The following MAVS variants were observed in gnomAD, a reference collection of about 807,000 sequenced individuals.
The protein encoded by MAVS is mitochondrial antiviral-signaling protein.
A neutral mutation model predicts 30.2 loss-of-function variants in MAVS; 20 were observed. That is an observed-to-expected ratio of 0.66 (90% CI 0.47 to 0.96). The LOEUF is 0.96. Ranked by LOEUF, MAVS falls within the 40% of genes least tolerant of loss-of-function variation. The pLI is 0.00. For missense variants in MAVS, 624 were observed against 701.1 expected, an observed-to-expected ratio of 0.89 and a Z score of 1.24; for synonymous variants, 278 against 293.9, an observed-to-expected ratio of 0.95 and a Z score of 0.55.
intron 4 of MAVS, 47 bp from the exon 5 acceptor site, chr20:3,862,207 G>A (rs1261576353): frequency 2.1e-5 from 33 of 1,593,664 alleles, no homozygotes; most frequent in Non-Finnish European, 2.7e-5. Flanking sequence ...CCCTTTGTGA[G>A]CTCTTGGGAG....
In MAVS at chr20:3,874,435, A is replaced by G; in HGVS notation, c.*8288A>G. 2.6e-6 allele frequency: 1 copy of G among 389,434 alleles called. No individual in the cohort carries two copies. Among genetic ancestry groups the G allele is most frequent in the Non-Finnish European group, 4.5e-6 (1 of 220,452 alleles). The allele number at this position is 389,434 out of a possible 1,614,324, so 24.1% of individuals were successfully genotyped here. Reference sequence around the variant, plus strand: ...GCCATTTGGTCAAAGTTTGCAAAGGAGTCAGCCATGATTGCTTGTATTTGG... The same window carrying G: ...GCCATTTGGTCAAAGTTTGCAAAGGGGTCAGCCATGATTGCTTGTATTTGG... On this transcript the variant is annotated 3_prime_UTR_variant, in exon 7 of 7. Coordinates refer to ENST00000428216, the MANE Select transcript of MAVS (RefSeq NM_020746.5).
rs944080006 is a variant in MAVS at position 3,861,122 on chromosome 20, A to G, written c.293-210A>G. Among the ~76,000 whole-genome samples the G allele has an allele frequency of 3.9e-5, 6 of 151,916 alleles. No individual in the cohort carries two copies. The South Asian group carries it at 1.2e-3, about 31-fold the overall frequency. On this transcript the variant is annotated intron_variant, in intron 3 of 6. Transcript: ENST00000428216. The stretch of plus-strand genomic sequence containing the variant: ...ATTCTCCTGCCTCAGCCTCCTGAGT[A>G]GCTGGGACTACAGGGGCCCGCCACC...
In MAVS at chr20:3,875,792, C is replaced by T. The variant is rs1044319691; in HGVS notation, c.*9645C>T. On this transcript the variant is annotated 3_prime_UTR_variant, in exon 7 of 7. Coordinates refer to ENST00000428216, the MANE Select transcript of MAVS (RefSeq NM_020746.5). The stretch of plus-strand genomic sequence containing the variant: ...AAGGCAGGCTAGGCTGCACCAGCTT[C>T]CTCCATCTCCGTCCTGCCTCCCCCA... The T allele has an allele frequency of 3.9e-5, 6 of 152,452 alleles. No individual in the cohort carries two copies. Among genetic ancestry groups the T allele is most frequent in the African/African-American group, 9.6e-5 (4 of 41,468 alleles). 9.4% of individuals were successfully genotyped at this position (152,452 alleles called of 1,614,324 possible). A position where few individuals can be genotyped will look rare whatever the true frequency, so the allele number is the denominator to read the frequency against.
rs1213209939 is a variant in MAVS, at chr20:3,875,014, T to A, written c.*8867T>A. 1.3e-5 allele frequency: 2 copies of A among 152,338 alleles called. No homozygotes were observed. Among genetic ancestry groups the A allele is most frequent in the African/African-American group, 4.8e-5 (2 of 41,448 alleles). 9.4% of individuals were successfully genotyped at this position (152,338 alleles called of 1,614,324 possible). A position where few individuals can be genotyped will look rare whatever the true frequency, so the allele number is the denominator to read the frequency against. On this transcript the variant is annotated 3_prime_UTR_variant, in exon 7 of 7. Transcript: ENST00000428216. Reference sequence around the variant, plus strand: ...CATTCTTCGTTCTTTAAGGCCTAACTTAAAGCCCAGATCCTACAGGAAACC... The same window carrying A: ...CATTCTTCGTTCTTTAAGGCCTAACATAAAGCCCAGATCCTACAGGAAACC...
chr20:3,866,824 C>T lies in MAVS; in HGVS notation c.*677C>T, dbSNP rs748168059. On this transcript the variant is annotated 3_prime_UTR_variant, in exon 7 of 7. Coordinates refer to ENST00000428216, the MANE Select transcript of MAVS (RefSeq NM_020746.5). ...GGAGCTCCTCTCCAGCCTCCTCTTT[C>T]CCTCCCCTCTGGTCTCCATTCTCTT... 29 of 450,552 alleles carry T rather than the reference C, an allele frequency of 6.4e-5. 1 individual carries two copies. The highest frequency in any genetic ancestry group is 4.6e-4 in the South Asian group (29 of 63,682). 27.9% of individuals were successfully genotyped at this position (450,552 alleles called of 1,614,324 possible). A position where few individuals can be genotyped will look rare whatever the true frequency, so the allele number is the denominator to read the frequency against.
intron 1 of MAVS, among the ~76,000 whole-genome samples, chr20:3,848,068 A>G (rs1178059830): frequency 6.6e-6 from 1 of 151,714 alleles, no homozygotes; most frequent in Non-Finnish European, 1.5e-5. Context: ...GCCTTCTGGT[A>G]CCTGGCTGAT....
intron 1 of MAVS, among the ~76,000 whole-genome samples, chr20:3,853,490 A>AC (rs1396862713): frequency 1.3e-5 from 2 of 151,558 alleles, no homozygotes; most frequent in Non-Finnish European, 2.9e-5. Context: ...CGTCTCAAAA[A>AC]AAAAAAAAAG....
chr20:3,849,441 G>A (rs1256563286), intron 1 of MAVS, among the ~76,000 whole-genome samples: 1 of 152,168 alleles, frequency 6.6e-6, no homozygotes, highest in African/African-American at 2.4e-5. Context: ...CTGAGCTCAG[G>A]TGATCCACCC....
intron 3 of MAVS, among the ~76,000 whole-genome samples, chr20:3,860,243 T>C (rs1337717616): frequency 6.6e-6 from 1 of 151,408 alleles, no homozygotes; most frequent in African/African-American, 2.4e-5. Flanking sequence ...TTCCTTTTTT[T>C]TTGAGACAGA....
intron 2 of MAVS, among the ~76,000 whole-genome samples, chr20:3,855,773 ATTTTCTTT>A: frequency 6.6e-6 from 1 of 151,840 alleles, no homozygotes. Flanking sequence ...GGTTTTCTTT[ATTTTCTTT>A]AAAAAATTTT....
intron 1 of MAVS, among the ~76,000 whole-genome samples, chr20:3,851,157 G>A (rs1296224463): frequency 6.6e-6 from 1 of 151,612 alleles, no homozygotes; most frequent in African/African-American, 2.4e-5. Flanking sequence ...ATAAAACCCC[G>A]TCTCTACTAA....
chr20:3,847,110 C>G (rs2089715650), intron 1 of MAVS, among the ~76,000 whole-genome samples: 1 of 152,198 alleles, frequency 6.6e-6, no homozygotes, highest in Non-Finnish European at 1.5e-5. Flanking sequence ...CTCCAGGCGC[C>G]GCATCCAGCA....
At chr20:3,859,580 G>A (rs891072640) in intron 3 of MAVS, among the ~76,000 whole-genome samples, 1 of 151,886 alleles carries the variant, frequency 6.6e-6, no homozygotes, top group South Asian at 2.1e-4. Flanking sequence ...AGGGGTGGGG[G>A]CAAAGGGGAG....
chr20:3,848,378 C>T (rs148544282), intron 1 of MAVS, among the ~76,000 whole-genome samples: 1,715 of 152,260 alleles, frequency 0.011, 36 homozygotes, highest in African/African-American at 0.038. Context: ...GGATTCCAGG[C>T]GTGAGCCACC....
At chr20:3,848,998 T>G (rs890302009) in intron 1 of MAVS, among the ~76,000 whole-genome samples, 1 of 152,070 alleles carries the variant, frequency 6.6e-6, no homozygotes, top group South Asian at 2.1e-4. Context: ...GGTCTCCCAG[T>G]TTTCATCCTG....
Position 3,864,525 on chromosome 20 carries a change from C to T in MAVS, c.895C>T (p.Pro299Ser). 1.9e-6 allele frequency: 3 copies of T among 1,614,110 alleles called. No homozygotes were observed. The highest frequency in any genetic ancestry group is 2.5e-6 in the Non-Finnish European group (3 of 1,180,028). Residue 299 changes from proline to serine, a missense_variant, in exon 6 of 7, where the codon CCT (proline) becomes TCT (serine). Physicochemically the swap from Pro to Ser is moderately conservative, Grantham distance 74 (BLOSUM62 -1). Coordinates refer to ENST00000428216, the MANE Select transcript of MAVS (RefSeq NM_020746.5). ...APANSLPSKV[P>S]TTLMPVNTVA... ...TGCCAACTCTCTGCCCTCCAAAGTG[C>T]CTACCACCTTGATGCCTGTGAACAC... is the stretch of plus-strand genomic sequence containing the variant.
chr20:3,856,749 T>G (rs370854555), intron 2 of MAVS, among the ~76,000 whole-genome samples: 1 of 151,986 alleles, frequency 6.6e-6, no homozygotes, highest in Non-Finnish European at 1.5e-5. Context: ...ATAAAAACTC[T>G]AGGGCTGGGC....
chr20:3,848,322 C>T (rs1568530465), intron 1 of MAVS, among the ~76,000 whole-genome samples: 1 of 152,188 alleles, frequency 6.6e-6, no homozygotes, highest in East Asian at 1.9e-4. Flanking sequence ...TGGTCTCAAA[C>T]TCCTGACCTC....
At position 3,867,120 on chromosome 20, in the gene MAVS, C is replaced by T. The variant is rs2089915160; in HGVS notation, c.*973C>T. The T allele has an allele frequency of 2.2e-6, 1 of 454,100 alleles. No individual in the cohort carries two copies. The highest frequency in any genetic ancestry group is 2.0e-5 in the African/African-American group (1 of 50,030). The allele number at this position is 454,100 out of a possible 1,614,324, so 28.1% of individuals were successfully genotyped here. ...CTGCCCAACCTGGTAGAGCTGAGGG[C>T]ATGAGAGGCAGAGTGCACAGTGGTC... is the stretch of plus-strand genomic sequence containing the variant. On this transcript the variant is annotated 3_prime_UTR_variant, in exon 7 of 7. Coordinates refer to ENST00000428216, the MANE Select transcript of MAVS (RefSeq NM_020746.5).
Sources: gnomAD v4.1 joint callset for allele counts (sites outside exome capture counted in the v4.1 genomes callset) on GRCh38, gnomAD v4.1.1 for gene constraint, MANE v1.5 for transcripts, NCBI Gene and HGNC (gene_info 2026-07-23, HGNC 2026-07-21) for gene names.